The following ABLIM1 variants were observed in gnomAD, a reference collection of about 807,000 sequenced individuals.
The protein encoded by ABLIM1 is actin binding LIM protein 1.
A neutral mutation model predicts 107.0 loss-of-function variants in ABLIM1; 40 were observed. The observed-to-expected ratio is 0.37, with a 90% CI of 0.29 to 0.49. ABLIM1 has a LOEUF of 0.49. Among genes scored for constraint, ABLIM1 ranks in the 20% least tolerant of loss-of-function variants. The probability of loss-of-function intolerance (pLI) is 0.97; values close to 1 mark genes in which losing one functional copy is unlikely to be tolerated. For missense variants in ABLIM1, 857 were observed against 1,008.5 expected (o/e 0.85, Z 2.04); for synonymous variants, 357 against 357.3 (o/e 1.00, Z 0.01).
At chr10:114,587,143 C>A (rs1252174656) in intron 2 of ABLIM1, among the ~76,000 whole-genome samples, 16 of 152,190 alleles carry the variant, frequency 1.1e-4, no homozygotes, top group Admixed American at 6.5e-4. Flanking sequence ...AGAACACAAT[C>A]TTTTAAACAG....
chr10:114,602,071 G>A (rs767820236), intron 1 of ABLIM1, 110 bp from the exon 2 acceptor site: 75 of 1,407,580 alleles, frequency 5.3e-5, no homozygotes, highest in Non-Finnish European at 6.4e-5. Context: ...AGATTGATTC[G>A]ACAGTGTGAA....
intron 1 of ABLIM1, among the ~76,000 whole-genome samples, chr10:114,711,501 G>A (rs1591864319): frequency 6.6e-6 from 1 of 152,138 alleles, no homozygotes; most frequent in South Asian, 2.1e-4. Context: ...CAGCCCCCAC[G>A]CTAAACCTGC....
chr10:114,634,123 A>ATTTTTTTTTTTTTTTT (rs1209219359), intron 1 of ABLIM1, among the ~76,000 whole-genome samples: 14 of 68,196 alleles, frequency 2.1e-4, no homozygotes, highest in Non-Finnish European at 3.4e-4. Flanking sequence ...CATTAGCTCA[A>ATTTTTTTTTTTTTTTT]TTTTTCTTTT....
chr10:114,640,567 A>C (rs975805809), intron 1 of ABLIM1, among the ~76,000 whole-genome samples: 9 of 148,122 alleles, frequency 6.1e-5, no homozygotes, highest in South Asian at 2.2e-4. Flanking sequence ...ACAACAACAA[A>C]AAACAGTTGA....
chr10:114,583,464 CACACATATATATATATATATATATAT>C (rs1348659923), intron 2 of ABLIM1, among the ~76,000 whole-genome samples: 402 of 7,976 alleles, frequency 0.05, 1 homozygote, highest in Middle Eastern at 0.1. Flanking sequence ...CACACACACA[CACACATATATATATATATATATATAT>C]ATATATATAT....
At chr10:114,482,198 T>G (rs2057478246) in intron 8 of ABLIM1, among the ~76,000 whole-genome samples, 1 of 152,222 alleles carries the variant, frequency 6.6e-6, no homozygotes, top group African/African-American at 2.4e-5. Flanking sequence ...AGACAAAATT[T>G]GCTATTCATA....
At chr10:114,666,699 C>T (rs2080040612) in intron 1 of ABLIM1, among the ~76,000 whole-genome samples, 1 of 152,078 alleles carries the variant, frequency 6.6e-6, no homozygotes, top group South Asian at 2.1e-4. Context: ...TCAAATAGTT[C>T]CTGATATCCT....
At chr10:114,569,211 C>T (rs187206706) in intron 4 of ABLIM1, among the ~76,000 whole-genome samples, 33 of 152,294 alleles carry the variant, frequency 2.2e-4, no homozygotes, top group South Asian at 1.9e-3. Flanking sequence ...AAGGACTTCA[C>T]AATGAGGACA....
chr10:114,728,296 T>A (rs903878513), intron 1 of ABLIM1, among the ~76,000 whole-genome samples: 1 of 152,104 alleles, frequency 6.6e-6, no homozygotes, highest in Admixed American at 6.6e-5. Flanking sequence ...ACAGGCACTC[T>A]GAAGAGGAAA....
At chr10:114,728,442 G>A (rs1194711762) in intron 1 of ABLIM1, among the ~76,000 whole-genome samples, 1 of 150,328 alleles carries the variant, frequency 6.7e-6, no homozygotes, top group African/African-American at 2.5e-5. Context: ...ACATTGAAGG[G>A]AGGGAGTATC....
intron 1 of ABLIM1, among the ~76,000 whole-genome samples, chr10:114,740,873 A>G (rs1321296745): frequency 6.6e-6 from 1 of 151,836 alleles, no homozygotes; most frequent in Non-Finnish European, 1.5e-5. Flanking sequence ...GTGAAGCCCC[A>G]TATCTACTAA....
At chr10:114,610,674 T>A (rs1264830873) in intron 1 of ABLIM1, 1 of 152,256 alleles carries the variant, frequency 6.6e-6, no homozygotes, top group Non-Finnish European at 1.5e-5. Context: ...TACTTGAAGC[T>A]ACATACACAG....
intron 4 of ABLIM1, among the ~76,000 whole-genome samples, chr10:114,548,140 A>C (rs1285127312): frequency 6.6e-6 from 1 of 152,192 alleles, no homozygotes; most frequent in Non-Finnish European, 1.5e-5. Flanking sequence ...GGCATTTATT[A>C]ATTGAGGGCA....
chr10:114,523,232 T>C (rs2064042472), intron 6 of ABLIM1, among the ~76,000 whole-genome samples: 1 of 152,144 alleles, frequency 6.6e-6, no homozygotes, highest in Admixed American at 6.5e-5. Context: ...GATCTTTGGC[T>C]TCTCTGTCTC....
At chr10:114,781,662 G>A in the ABLIM1 span, among the ~76,000 whole-genome samples, 11 of 23,068 alleles carry the variant, frequency 4.8e-4, no homozygotes, top group East Asian at 2.8e-3. Context: ...ATATATATGC[G>A]TGTATATATA....
chr10:114,677,471 C>T (rs1016066640), intron 1 of ABLIM1, among the ~76,000 whole-genome samples: 1 of 152,140 alleles, frequency 6.6e-6, no homozygotes, highest in African/African-American at 2.4e-5. Context: ...TGGGTTTAAT[C>T]AGCAGAAATC....
chr10:114,629,415 T>C lies in ABLIM1; in HGVS notation c.245-27454A>G, dbSNP rs1302003800. Among the ~76,000 whole-genome samples, 2 of 152,062 alleles carry C rather than the reference T, an allele frequency of 1.3e-5. No homozygotes were observed. Among genetic ancestry groups the C allele is most frequent in the East Asian group, 1.9e-4 (1 of 5,184 alleles). On this transcript the variant is annotated intron_variant, in intron 1 of 22. Transcript: ENST00000533213. The surrounding 1 kb of genome is among the most constrained non-coding windows in gnomAD (Gnocchi z 4.0). Reference sequence around the variant, plus strand: ...TGAGAACAAGAATAAATGGAGAGGATTGGAGAAGTTTCTGAATCAAGAAGG... The same window carrying C: ...TGAGAACAAGAATAAATGGAGAGGACTGGAGAAGTTTCTGAATCAAGAAGG...
At chr10:114,586,569 A>G (rs910256941) in intron 2 of ABLIM1, among the ~76,000 whole-genome samples, 1 of 152,242 alleles carries the variant, frequency 6.6e-6, no homozygotes, top group Non-Finnish European at 1.5e-5. Context: ...TCTGAGGACA[A>G]AATGGGAAAG....
intron 1 of ABLIM1, among the ~76,000 whole-genome samples, chr10:114,679,092 C>T (rs972515476): frequency 3.3e-5 from 5 of 152,052 alleles, no homozygotes; most frequent in East Asian, 1.9e-4. Context: ...TGAACTTAGC[C>T]GTCAAGAGGT....
Sources: allele counts gnomAD v4.1 joint callset (sites outside exome capture counted in the v4.1 genomes callset), GRCh38; gene constraint gnomAD v4.1.1; non-coding constraint Gnocchi (gnomAD v3.1); transcripts MANE v1.5; gene names NCBI Gene and HGNC (gene_info 2026-07-23, HGNC 2026-07-21).